SORCS3: variants seen among roughly 807,000 people sequenced by gnomAD.
SORCS3 encodes sortilin related VPS10 domain containing receptor 3, also known as VPS10 domain-containing receptor SorCS3.
A neutral mutation model predicts 146.3 loss-of-function variants in SORCS3; 57 were observed. The observed-to-expected ratio is 0.39, with a 90% CI of 0.31 to 0.49. SORCS3 has a LOEUF of 0.49. Among genes scored for constraint, SORCS3 ranks in the 20% least tolerant of loss-of-function variants. The probability of loss-of-function intolerance (pLI) is 0.92; values close to 1 mark genes in which losing one functional copy is unlikely to be tolerated. For missense variants in SORCS3, 1,341 were observed against 1,575.5 expected (o/e 0.85, Z 2.52); for synonymous variants, 653 against 618.5 (o/e 1.06, Z -0.83).
chr10:105,202,011 G>C (rs1302549970), intron 16 of SORCS3, among the ~76,000 whole-genome samples: 1 of 152,080 alleles, frequency 6.6e-6, no homozygotes, highest in Non-Finnish European at 1.5e-5. Flanking sequence ...CAGGCCATCT[G>C]CAAGTCCTTG....
intron 4 of SORCS3, among the ~76,000 whole-genome samples, chr10:105,007,015 T>G (rs1589590995): frequency 6.6e-6 from 1 of 152,202 alleles, no homozygotes; most frequent in African/African-American, 2.4e-5. Flanking sequence ...ACTTACCTGT[T>G]GACCAACAGG....
chr10:104,713,509 T>C (rs769173150), intron 1 of SORCS3, among the ~76,000 whole-genome samples: 1 of 152,214 alleles, frequency 6.6e-6, no homozygotes, highest in Non-Finnish European at 1.5e-5. Context: ...TCATGGTAGA[T>C]GTTGGATTTT....
chr10:104,988,254 CA>C (rs1690271064), intron 4 of SORCS3, among the ~76,000 whole-genome samples: 1 of 152,164 alleles, frequency 6.6e-6, no homozygotes, highest in African/African-American at 2.4e-5. Flanking sequence ...TGCCTTAAGA[CA>C]GAACCGCATA....
chr10:104,995,324 T>C (rs1589584806), intron 4 of SORCS3, among the ~76,000 whole-genome samples: 1 of 152,014 alleles, frequency 6.6e-6, no homozygotes, highest in Non-Finnish European at 1.5e-5. Context: ...CATGACCGGC[T>C]AACTTTTGTA....
chr10:105,148,403 C>T (rs1473973765), intron 9 of SORCS3, among the ~76,000 whole-genome samples: 1 of 152,054 alleles, frequency 6.6e-6, no homozygotes, highest in Admixed American at 6.6e-5. Flanking sequence ...AACCAAGTGA[C>T]TCCATGTAGT....
intron 2 of SORCS3, among the ~76,000 whole-genome samples, chr10:104,900,917 A>T (rs2018845300): frequency 6.8e-6 from 1 of 147,090 alleles, no homozygotes; most frequent in Non-Finnish European, 1.5e-5. Context: ...GGGGGCGGGG[A>T]AAGAACATTT....
Position 105,201,111 on chromosome 10 carries a change from C to A in SORCS3, c.2128-9C>A. On this transcript the variant is annotated splice_polypyrimidine_tract_variant and intron_variant, in intron 15 of 26. Transcript: ENST00000369701. ...TTCTGTCTCTCACACTATGGAATTT[C>A]TCTCTAAGGGAGAGCCTTGTGTCAT... 6.2e-7 allele frequency: 1 copy of A among 1,609,000 alleles called. No individual in the cohort carries two copies. The highest frequency in any genetic ancestry group is 8.5e-7 in the Non-Finnish European group (1 of 1,178,356).
At chr10:104,660,581 T>C (rs2015688185) in intron 1 of SORCS3, among the ~76,000 whole-genome samples, 1 of 152,178 alleles carries the variant, frequency 6.6e-6, no homozygotes, top group Non-Finnish European at 1.5e-5. Context: ...CCTTCTGACC[T>C]AGGGAAAATG....
intron 2 of SORCS3, among the ~76,000 whole-genome samples, chr10:104,910,090 T>C (rs2018951399): frequency 6.6e-6 from 1 of 152,100 alleles, no homozygotes; most frequent in Non-Finnish European, 1.5e-5. Flanking sequence ...GTTGATGCCA[T>C]AGAATAGTCC....
In SORCS3 at chr10:104,856,641, G is replaced by A. The variant is rs535869973; in HGVS notation, c.695+13782G>A. ...ATATTTATAAATATAAACAATTAGA[G>A]GCATATATATAAATTATTTCTTGCA... On this transcript the variant is annotated intron_variant, in intron 2 of 26. Coordinates refer to ENST00000369701, the MANE Select transcript of SORCS3 (RefSeq NM_014978.3). Among the ~76,000 whole-genome samples, 426 of 144,552 alleles carry A rather than the reference G, an allele frequency of 2.9e-3. 1 individual carries two copies. Among genetic ancestry groups the A allele is most frequent in the Non-Finnish European group, 5.3e-3 (352 of 66,360 alleles). The allele number at this position is 144,552 out of a possible 152,430, so 94.8% of individuals were successfully genotyped here. A position where few individuals can be genotyped will look rare whatever the true frequency, so the allele number is the denominator to read the frequency against.
At chr10:105,110,900 C>T (rs961896791) in intron 7 of SORCS3, among the ~76,000 whole-genome samples, 4 of 152,164 alleles carry the variant, frequency 2.6e-5, no homozygotes, top group Admixed American at 6.5e-5. Flanking sequence ...TCAACACCAA[C>T]CTTCCCCACC....
chr10:104,718,457 ACT>A (rs1004569405), intron 1 of SORCS3, among the ~76,000 whole-genome samples: 1 of 151,982 alleles, frequency 6.6e-6, no homozygotes, highest in Non-Finnish European at 1.5e-5. Context: ...ACCTCTCAAC[ACT>A]GTTGCATTGG....
intron 1 of SORCS3, among the ~76,000 whole-genome samples, chr10:104,841,052 G>C (rs993889847): frequency 1.3e-5 from 2 of 152,158 alleles, no homozygotes; most frequent in African/African-American, 2.4e-5. Flanking sequence ...TTTGAGGTGT[G>C]TGTGTGTGTA....
chr10:104,808,734 G>A (rs2017708668), intron 1 of SORCS3, among the ~76,000 whole-genome samples: 3 of 152,198 alleles, frequency 2.0e-5, no homozygotes, highest in Non-Finnish European at 4.4e-5. Context: ...CATCTACTGA[G>A]TATTTACATC....
intron 4 of SORCS3, among the ~76,000 whole-genome samples, chr10:105,012,485 G>T (rs2055141346): frequency 1.3e-5 from 2 of 152,102 alleles, no homozygotes; most frequent in South Asian, 4.1e-4. Flanking sequence ...GTTCTGACAA[G>T]AAAGTCTGGA....
intron 1 of SORCS3, among the ~76,000 whole-genome samples, chr10:104,686,565 C>G (rs909652467): frequency 1.3e-5 from 2 of 152,168 alleles, no homozygotes; most frequent in African/African-American, 4.8e-5. Context: ...GCCAGGAAGA[C>G]TCAGGAACCC....
At chr10:104,674,182 T>G (rs995407634) in intron 1 of SORCS3, among the ~76,000 whole-genome samples, 9 of 152,226 alleles carry the variant, frequency 5.9e-5, no homozygotes, top group Admixed American at 5.2e-4. Context: ...AAGTTTTGTC[T>G]GTTCTTGAAA....
chr10:104,730,948 C>G (rs1342748334), intron 1 of SORCS3, among the ~76,000 whole-genome samples: 1 of 152,200 alleles, frequency 6.6e-6, no homozygotes, highest in East Asian at 1.9e-4. Context: ...GACACAGAGC[C>G]AAATGCTGAG....
chr10:104,794,842 G>A (rs2017535182), intron 1 of SORCS3, among the ~76,000 whole-genome samples: 1 of 152,108 alleles, frequency 6.6e-6, no homozygotes, highest in Non-Finnish European at 1.5e-5. Context: ...TCGGGATAGT[G>A]TAGCCCAACA....
Sources: allele counts gnomAD v4.1 joint callset (sites outside exome capture counted in the v4.1 genomes callset), GRCh38; gene constraint gnomAD v4.1.1; transcripts MANE v1.5; gene names NCBI Gene and HGNC (gene_info 2026-07-23, HGNC 2026-07-21).